The following CACNA2D3 variants were observed in gnomAD, a reference collection of about 807,000 sequenced individuals.
The protein encoded by CACNA2D3 is voltage-dependent calcium channel subunit alpha-2/delta-3.
In CACNA2D3, 60 loss-of-function variants were observed where a neutral mutation model predicts 160.6. The ratio of observed to expected loss-of-function variants is 0.37; its 90% CI spans 0.30 to 0.46. CACNA2D3 has a LOEUF of 0.46. Among genes scored for constraint, CACNA2D3 ranks in the 20% least tolerant of loss-of-function variants. CACNA2D3 has a pLI of 1.00. For missense variants in CACNA2D3, 1,205 were observed against 1,365.0 expected (o/e 0.88, Z 1.85); for synonymous variants, 558 against 492.9 (o/e 1.13, Z -1.75).
At chr3:54,719,245 A>G (rs999366755) in intron 11 of CACNA2D3, among the ~76,000 whole-genome samples, 1 of 148,576 alleles carries the variant, frequency 6.7e-6, no homozygotes, top group Non-Finnish European at 1.5e-5. Flanking sequence ...TACCTCTTTC[A>G]TGATCTCAGG....
rs537408144 is a variant in CACNA2D3, at chr3:54,253,948, G to A, written c.205-66494G>A. 6.6e-5 allele frequency among the ~76,000 whole-genome samples: 10 copies of A among 152,028 alleles called. No homozygotes were observed. The South Asian group carries it at 2.1e-3, about 32-fold the overall frequency. The stretch of plus-strand genomic sequence containing the variant: ...ACGCCTGGCTAATTTTTGTATTTTA[G>A]TAGAGATGGGGTTTCACCATGTTGG... On this transcript the variant is annotated intron_variant, in intron 2 of 37. Transcript: ENST00000474759.
At chr3:54,633,624 G>C (rs186304158) in intron 10 of CACNA2D3, 1 of 152,074 alleles carries the variant, frequency 6.6e-6, no homozygotes, top group African/African-American at 2.4e-5. Context: ...CACTGCAAAC[G>C]ACACAAACTT....
chr3:54,182,259 G>T (rs1486851511), intron 2 of CACNA2D3, among the ~76,000 whole-genome samples: 1 of 152,096 alleles, frequency 6.6e-6, no homozygotes, highest in Non-Finnish European at 1.5e-5. Context: ...AAATCTTTTT[G>T]CTTTAAATGA....
intron 11 of CACNA2D3, among the ~76,000 whole-genome samples, chr3:54,678,033 C>T (rs563042039): frequency 1.3e-5 from 2 of 152,088 alleles, no homozygotes; most frequent in East Asian, 1.9e-4. Context: ...AAGGAAAAGA[C>T]GGAGGGAGTG....
intron 13 of CACNA2D3, among the ~76,000 whole-genome samples, chr3:54,764,826 T>G (rs184615593): frequency 2.4e-4 from 36 of 152,314 alleles, no homozygotes; most frequent in Middle Eastern, 3.4e-3. Flanking sequence ...GAGAATATGC[T>G]TGAATGGTGG....
chr3:54,779,557 G>A (rs960429380), intron 13 of CACNA2D3, among the ~76,000 whole-genome samples: 3 of 152,126 alleles, frequency 2.0e-5, no homozygotes, highest in Non-Finnish European at 2.9e-5. Flanking sequence ...GGTCAATAGT[G>A]CCTCACCATC....
intron 11 of CACNA2D3, among the ~76,000 whole-genome samples, chr3:54,691,381 A>C (rs1031397805): frequency 6.6e-6 from 1 of 152,232 alleles, no homozygotes; most frequent in Non-Finnish European, 1.5e-5. Context: ...CGAAGACTCC[A>C]TACAAACAGC....
In CACNA2D3 at chr3:54,999,286, G is replaced by GCTTT. The variant is rs537154611; in HGVS notation, c.2691-5474_2691-5471dup. ...ACAGGTTGAGCCTTCTACTTTCCTGGCTTTCTGAGATGTAAGAATGAGTAA... is the reference window on the plus strand; with the variant it reads ...ACAGGTTGAGCCTTCTACTTTCCTGGCTTTCTTTCTGAGATGTAAGAATGAGTAA... On this transcript the variant is annotated intron_variant, in intron 31 of 37. Coordinates refer to ENST00000474759, the MANE Select transcript of CACNA2D3 (RefSeq NM_018398.3). 1.4e-3 allele frequency among the ~76,000 whole-genome samples: 213 copies of GCTTT among 152,202 alleles called. 8 individuals are homozygous for GCTTT. In the South Asian group the frequency reaches 0.043, roughly 31 times the overall value.
intron 9 of CACNA2D3, among the ~76,000 whole-genome samples, chr3:54,604,651 C>G (rs1448654130): frequency 6.6e-6 from 1 of 152,188 alleles, no homozygotes; most frequent in Non-Finnish European, 1.5e-5. Context: ...TCTGGCCACG[C>G]TTTACCCACT....
intron 16 of CACNA2D3, among the ~76,000 whole-genome samples, chr3:54,840,703 C>T (rs565233414): frequency 1.5e-4 from 23 of 149,368 alleles, no homozygotes; most frequent in Non-Finnish European, 2.8e-4. Context: ...GCCACTGCAC[C>T]CTGCCAAGAG....
chr3:54,378,611 G>C (rs181583600), intron 3 of CACNA2D3, among the ~76,000 whole-genome samples: 2 of 152,318 alleles, frequency 1.3e-5, no homozygotes, highest in Admixed American at 1.3e-4. Flanking sequence ...AGGGTCCTGC[G>C]GGGACTTTTT....
At chr3:55,011,180 G>C (rs1407438429) in intron 34 of CACNA2D3, among the ~76,000 whole-genome samples, 1 of 152,240 alleles carries the variant, frequency 6.6e-6, no homozygotes, top group Admixed American at 6.5e-5. Flanking sequence ...ATAACTGGGA[G>C]CCTAATCCAT....
At chr3:54,291,919 A>T (rs1267426159) in intron 2 of CACNA2D3, among the ~76,000 whole-genome samples, 2 of 152,246 alleles carry the variant, frequency 1.3e-5, no homozygotes, top group African/African-American at 4.8e-5. Context: ...AGTAAGGGAG[A>T]TAGCATGCAG....
At chr3:54,647,113 C>A (rs1421136294) in intron 11 of CACNA2D3, among the ~76,000 whole-genome samples, 1 of 152,140 alleles carries the variant, frequency 6.6e-6, no homozygotes, top group Non-Finnish European at 1.5e-5. Flanking sequence ...CCCAGTCAAG[C>A]CTGCAGATGA....
chr3:54,966,108 G>C (rs936369424), intron 27 of CACNA2D3, among the ~76,000 whole-genome samples: 10 of 152,110 alleles, frequency 6.6e-5, no homozygotes, highest in Non-Finnish European at 1.2e-4. Context: ...GGGAGGTGAA[G>C]ATGAGGGCTC....
intron 27 of CACNA2D3, among the ~76,000 whole-genome samples, chr3:54,900,080 C>T (rs542121611): frequency 6.6e-5 from 10 of 152,296 alleles, no homozygotes; most frequent in African/African-American, 2.4e-4. Flanking sequence ...AAAACTTTCC[C>T]AGCGTTTCTA....
At chr3:54,416,967 C>T (rs992783134) in intron 4 of CACNA2D3, among the ~76,000 whole-genome samples, 2 of 152,258 alleles carry the variant, frequency 1.3e-5, no homozygotes, top group Admixed American at 6.5e-5. Context: ...GGTGTCCACC[C>T]GTCTCCACAG....
At chr3:54,537,517 T>A (rs527358302) in intron 5 of CACNA2D3, among the ~76,000 whole-genome samples, 1 of 152,200 alleles carries the variant, frequency 6.6e-6, no homozygotes, top group South Asian at 2.1e-4. Flanking sequence ...CCACCATGGT[T>A]GTATCCAAAC....
At chr3:54,566,002 T>G (rs1471281156) in intron 6 of CACNA2D3, among the ~76,000 whole-genome samples, 1 of 152,172 alleles carries the variant, frequency 6.6e-6, no homozygotes. Flanking sequence ...ATGTGTTTGT[T>G]GAATGAATGA....
Sources: gnomAD v4.1 joint callset for allele counts (sites outside exome capture counted in the v4.1 genomes callset) on GRCh38, gnomAD v4.1.1 for gene constraint, MANE v1.5 for transcripts, NCBI Gene and HGNC (gene_info 2026-07-23, HGNC 2026-07-21) for gene names.